EFHD1: variants seen among roughly 807,000 people sequenced by gnomAD.
The protein encoded by EFHD1 is EF-hand domain-containing protein D1.
EFHD1 carries 10 observed loss-of-function variants against 17.2 expected under a neutral mutation model. The observed-to-expected ratio is 0.58, with a 90% confidence interval of 0.36 to 0.99. The LOEUF (loss-of-function observed/expected upper bound fraction) is 0.99, where lower values mean the gene tolerates loss of function less well. EFHD1 is among the 50% of genes least tolerant of loss of function. The pLI is 0.01. For synonymous variants in EFHD1, 153 were observed against 142.0 expected (o/e 1.08, Z -0.55); for missense variants, 310 against 327.5 (o/e 0.95, Z 0.41).
chr2:232,618,757 C>T lies in EFHD1; in HGVS notation c.14+12584C>T, dbSNP rs1693969373. Among the ~76,000 whole-genome samples the T allele has an allele frequency of 6.7e-5, 10 of 149,278 alleles. No homozygotes were observed. The Admixed American group carries it at 6.7e-4, about 10-fold the overall frequency. ...AAAAAATTTTGAAAAAAGGGAAATA[C>T]ATGCTACAACTTGAATGCACCTCAA... is the stretch of plus-strand genomic sequence containing the variant. On this transcript the variant is annotated intron_variant, in intron 1 of 3. Transcript: ENST00000409613.
At chr2:232,665,518 T>A (rs1351942735) in intron 2 of EFHD1, among the ~76,000 whole-genome samples, 1 of 151,182 alleles carries the variant, frequency 6.6e-6, no homozygotes, top group East Asian at 2.0e-4. Context: ...ACCTCCTGGG[T>A]TCAAGCGATT....
chr2:232,660,098 G>A (rs747260665), intron 1 of EFHD1, among the ~76,000 whole-genome samples: 2 of 152,124 alleles, frequency 1.3e-5, no homozygotes, highest in African/African-American at 2.4e-5. Context: ...GAGATTTGGT[G>A]GGGATGCAGA....
chr2:232,678,203 G>A (rs1695211946), intron 3 of EFHD1, among the ~76,000 whole-genome samples: 1 of 151,574 alleles, frequency 6.6e-6, no homozygotes, highest in Admixed American at 6.6e-5. Flanking sequence ...CTTGAACCTG[G>A]GAAGTGGAGC....
intron 1 of EFHD1, among the ~76,000 whole-genome samples, chr2:232,627,877 T>A (rs1346587126): frequency 6.6e-6 from 1 of 152,138 alleles, no homozygotes; most frequent in East Asian, 1.9e-4. Flanking sequence ...TGTTTGTTAT[T>A]TTTTTGTAAA....
At chr2:232,627,410 T>C (rs989574648) in intron 1 of EFHD1, among the ~76,000 whole-genome samples, 2 of 152,178 alleles carry the variant, frequency 1.3e-5, no homozygotes, top group Non-Finnish European at 2.9e-5. Flanking sequence ...GTTCATGTAC[T>C]TTCAGTTTCC....
At chr2:232,648,100 G>C (rs1559347600) in intron 1 of EFHD1, among the ~76,000 whole-genome samples, 2 of 152,154 alleles carry the variant, frequency 1.3e-5, no homozygotes, top group Admixed American at 6.5e-5. Flanking sequence ...AACTAGTTGG[G>C]CATAGGAGGT....
At chr2:232,656,259 A>C (rs1694760153) in intron 1 of EFHD1, among the ~76,000 whole-genome samples, 1 of 151,854 alleles carries the variant, frequency 6.6e-6, no homozygotes, top group African/African-American at 2.4e-5. Flanking sequence ...GACTTTTTGT[A>C]CTTGCCACTA....
chr2:232,680,750 C>T (rs752097661), intron 3 of EFHD1, among the ~76,000 whole-genome samples: 5 of 152,052 alleles, frequency 3.3e-5, no homozygotes, highest in Non-Finnish European at 7.4e-5. Flanking sequence ...CTCAGGTGAT[C>T]CGCCCGCTTC....
chr2:232,623,945 T>G (rs947762189), intron 1 of EFHD1, among the ~76,000 whole-genome samples: 15 of 151,964 alleles, frequency 9.9e-5, no homozygotes, highest in African/African-American at 3.6e-4. Context: ...AACCAAGAGT[T>G]GACCGACCAG....
At chr2:232,642,242 G>T (rs1394485202) in intron 1 of EFHD1, among the ~76,000 whole-genome samples, 5 of 151,934 alleles carry the variant, frequency 3.3e-5, no homozygotes, top group Non-Finnish European at 5.9e-5. Flanking sequence ...AATTAGCAGG[G>T]TGTGGTGGTG....
At chr2:232,628,305 C>T (rs576922508) in intron 1 of EFHD1, among the ~76,000 whole-genome samples, 9 of 152,280 alleles carry the variant, frequency 5.9e-5, no homozygotes, top group African/African-American at 2.2e-4. Flanking sequence ...AGATGATCTA[C>T]CTACCTTGAC....
chr2:232,651,640 A>C (rs903302682), intron 1 of EFHD1, among the ~76,000 whole-genome samples: 3 of 152,072 alleles, frequency 2.0e-5, no homozygotes, highest in African/African-American at 7.2e-5. Flanking sequence ...ATTTTCCTTT[A>C]TCTTTTCAAA....
intron 3 of EFHD1, among the ~76,000 whole-genome samples, chr2:232,675,449 G>A (rs763551742): frequency 2.5e-4 from 38 of 152,102 alleles, no homozygotes; most frequent in Admixed American, 4.6e-4. Context: ...ACCTGGTTGG[G>A]AAGGTCAGGC....
chr2:232,657,906 T>C (rs1694792315), intron 1 of EFHD1, among the ~76,000 whole-genome samples: 1 of 137,562 alleles, frequency 7.3e-6, no homozygotes, highest in African/African-American at 2.7e-5. Context: ...TTTCTTTTTT[T>C]TTTTTTTTTT....
chr2:232,661,170 A>C (rs547576325), intron 1 of EFHD1, among the ~76,000 whole-genome samples: 5 of 151,878 alleles, frequency 3.3e-5, no homozygotes, highest in South Asian at 2.1e-4. Context: ...AAAACAAAAA[A>C]ACAAAACCTC....
rs944462027 is a variant in EFHD1, at chr2:232,667,540, A to AATTTATTT, written c.450+4612_450+4619dup. Among the ~76,000 whole-genome samples, 216 of 150,386 alleles carry AATTTATTT rather than the reference A, an allele frequency of 1.4e-3. 1 individual carries two copies. The highest frequency in any genetic ancestry group is 5.1e-3 in the African/African-American group (208 of 40,890). On this transcript the variant is annotated intron_variant, in intron 2 of 3. Transcript: ENST00000264059. Reference sequence around the variant, plus strand: ...CTTATTTTATTTTAATTAATTAATTAATTTATTTATTTATTTATTTATTTA... The same window carrying AATTTATTT: ...CTTATTTTATTTTAATTAATTAATTAATTTATTTATTTATTTATTTATTTATTTATTTA...
intron 1 of EFHD1, among the ~76,000 whole-genome samples, chr2:232,628,420 C>A (rs1204193062): frequency 6.6e-6 from 1 of 152,156 alleles, no homozygotes; most frequent in Non-Finnish European, 1.5e-5. Flanking sequence ...TAAAACAAAT[C>A]AAAATCCTGA....
At position 232,681,455 on chromosome 2, in the gene EFHD1, C is replaced by T. The variant is rs1695280655; in HGVS notation, c.586-130C>T. ...ACACGGAAAGAGTGCTTGCTGGGGT[C>T]CTGCCCTCCGTGGGCCCACATTCCC... is the stretch of plus-strand genomic sequence containing the variant. On this transcript the variant is annotated intron_variant, in intron 3 of 3. Coordinates refer to ENST00000264059, the MANE Select transcript of EFHD1 (RefSeq NM_025202.4). 38 of 1,341,236 alleles carry T rather than the reference C, an allele frequency of 2.8e-5. No individual in the cohort carries two copies. The South Asian group carries it at 5.2e-4, about 18-fold the overall frequency. 83.1% of individuals were successfully genotyped at this position (1,341,236 alleles called of 1,614,324 possible). A position where few individuals can be genotyped will look rare whatever the true frequency, so the allele number is the denominator to read the frequency against.
intron 2 of EFHD1, among the ~76,000 whole-genome samples, chr2:232,670,671 AAG>A (rs1553601367): frequency 6.6e-6 from 1 of 151,966 alleles, no homozygotes; most frequent in East Asian, 1.9e-4. Flanking sequence ...TAAAAAAAAA[AAG>A]AAGCCATAAA....
Sources: gnomAD v4.1 joint callset for allele counts (sites outside exome capture counted in the v4.1 genomes callset) on GRCh38, gnomAD v4.1.1 for gene constraint, MANE v1.5 for transcripts, NCBI Gene and HGNC (gene_info 2026-07-23, HGNC 2026-07-21) for gene names.